Variants in ZNF277 observed in about 807,000 individuals in gnomAD.
ZNF277 encodes nuclear receptor-interacting factor 4.
A neutral mutation model predicts 60.7 loss-of-function variants in ZNF277; 55 were observed. The ratio of observed to expected loss-of-function variants is 0.91; its 90% CI spans 0.73 to 1.13. The LOEUF is 1.13. Among genes scored for constraint, ZNF277 ranks in the 50% most tolerant of loss-of-function variants. ZNF277 has a pLI of 0.00. For missense variants in ZNF277, 510 were observed against 523.0 expected, an observed-to-expected ratio of 0.98 and a Z score of 0.24; for synonymous variants, 178 against 179.3, an observed-to-expected ratio of 0.99 and a Z score of 0.06.
chr7:112,308,422 CA>C (rs1792648982), intron 4 of ZNF277, among the ~76,000 whole-genome samples: 1 of 152,002 alleles, frequency 6.6e-6, no homozygotes, highest in East Asian at 1.9e-4. Context: ...GAGGCTGAAG[CA>C]CAAGAACCAC....
At chr7:112,219,115 C>G (rs1821960868) in intron 1 of ZNF277, among the ~76,000 whole-genome samples, 2 of 152,320 alleles carry the variant, frequency 1.3e-5, no homozygotes, top group Non-Finnish European at 2.9e-5. Context: ...TCTCCACACT[C>G]TCTCCAATGC....
At chr7:112,298,616 T>A (rs1792405564) in intron 4 of ZNF277, among the ~76,000 whole-genome samples, 1 of 152,170 alleles carries the variant, frequency 6.6e-6, no homozygotes, top group Non-Finnish European at 1.5e-5. Flanking sequence ...TAAATGTAGC[T>A]GCGTATAAAT....
chr7:112,270,900 TAAAATA>T (rs1055463277), intron 1 of ZNF277, among the ~76,000 whole-genome samples: 1 of 151,660 alleles, frequency 6.6e-6, no homozygotes, highest in African/African-American at 2.4e-5. Flanking sequence ...TAGCAAAAAA[TAAAATA>T]AAAATAAAAA....
At chr7:112,213,287 A>T (rs921070812) in intron 1 of ZNF277, among the ~76,000 whole-genome samples, 4 of 152,188 alleles carry the variant, frequency 2.6e-5, no homozygotes, top group Admixed American at 6.5e-5. Context: ...CTCTAAGTCC[A>T]ATTAAAACCT....
In ZNF277 at chr7:112,248,186, T is replaced by A. The variant is rs538595813; in HGVS notation, c.92-38687T>A. Among the ~76,000 whole-genome samples, 7 of 151,972 alleles carry A rather than the reference T, an allele frequency of 4.6e-5. No individual in the cohort carries two copies. The East Asian group carries it at 9.7e-4, about 21-fold the overall frequency. On this transcript the variant is annotated intron_variant, in intron 1 of 11. Coordinates refer to ENST00000361822, the MANE Select transcript of ZNF277 (RefSeq NM_021994.3). ...TCTGGTTGTCAGGGACATAAGAAAA[T>A]TTAATGTATTTCCAAGATGACTGCA...
At chr7:112,264,928 C>T (rs1231120238) in intron 1 of ZNF277, among the ~76,000 whole-genome samples, 2 of 152,152 alleles carry the variant, frequency 1.3e-5, no homozygotes, top group African/African-American at 4.8e-5. Context: ...AGGGTCTTGC[C>T]TCAATGTTTG....
chr7:112,291,278 C>T lies in ZNF277; in HGVS notation c.293+4204C>T, dbSNP rs1792200722. Among the ~76,000 whole-genome samples, 3 of 152,214 alleles carry T rather than the reference C, an allele frequency of 2.0e-5. No homozygotes were observed. In the South Asian group the frequency reaches 6.2e-4, roughly 32 times the overall value. Reference sequence around the variant, plus strand: ...ACTTAATTAACAACCATATTTCAAACCTTTATGACTATGTCAATAACCATA... The same window carrying T: ...ACTTAATTAACAACCATATTTCAAATCTTTATGACTATGTCAATAACCATA... On this transcript the variant is annotated intron_variant, in intron 2 of 11. Transcript: ENST00000361822.
intron 1 of ZNF277, among the ~76,000 whole-genome samples, chr7:112,251,626 A>G (rs534159227): frequency 2.6e-4 from 40 of 152,314 alleles, no homozygotes; most frequent in Non-Finnish European, 4.4e-4. Context: ...GGGGACCTGC[A>G]ATATTCTTTA....
intron 1 of ZNF277, among the ~76,000 whole-genome samples, chr7:112,246,818 A>G (rs1051707721): frequency 1.3e-5 from 2 of 152,210 alleles, no homozygotes; most frequent in African/African-American, 4.8e-5. Context: ...TGATTTAATG[A>G]ATGACTATTA....
intron 1 of ZNF277, among the ~76,000 whole-genome samples, chr7:112,228,255 A>G (rs1587093685): frequency 1.3e-5 from 2 of 152,178 alleles, no homozygotes; most frequent in South Asian, 2.1e-4. Context: ...CAAGATCCTT[A>G]CTTTAGTTAC....
At chr7:112,321,585 AG>A (rs147250802) in intron 5 of ZNF277, among the ~76,000 whole-genome samples, 4,234 of 152,024 alleles carry the variant, frequency 0.028, 207 homozygotes, top group African/African-American at 0.098. Flanking sequence ...TGTAGATTTG[AG>A]TTATTGTCTA....
At position 112,330,067 on chromosome 7, in the gene ZNF277, T is replaced by C. The variant is rs1358475442; in HGVS notation, c.669-17T>C. 10 of 1,602,864 alleles carry C rather than the reference T, an allele frequency of 6.2e-6. No homozygotes were observed. Among genetic ancestry groups the C allele is most frequent in the Non-Finnish European group, 8.5e-6 (10 of 1,176,814 alleles). On this transcript the variant is annotated splice_polypyrimidine_tract_variant and intron_variant, in intron 6 of 11. Transcript: ENST00000361822. The stretch of plus-strand genomic sequence containing the variant: ...ATACAAGAGACTTGTTTATCAGTGT[T>C]TGTGTATTTCTTGTAGTTTGCAGTG...
intron 4 of ZNF277, among the ~76,000 whole-genome samples, chr7:112,310,228 A>C (rs908762958): frequency 6.6e-6 from 1 of 151,940 alleles, no homozygotes; most frequent in Non-Finnish European, 1.5e-5. Context: ...GCCAGTTCCC[A>C]TCCTGAGTCA....
At chr7:112,214,631 G>T (rs1821835152) in intron 1 of ZNF277, among the ~76,000 whole-genome samples, 2 of 152,122 alleles carry the variant, frequency 1.3e-5, no homozygotes, top group Non-Finnish European at 1.5e-5. Flanking sequence ...GATATCTTTG[G>T]CTATAGGAAC....
At chr7:112,237,852 C>A (rs959234844) in intron 1 of ZNF277, among the ~76,000 whole-genome samples, 1 of 152,126 alleles carries the variant, frequency 6.6e-6, no homozygotes, top group African/African-American at 2.4e-5. Flanking sequence ...GATGTCAAAA[C>A]CAGGCAAGGA....
Position 112,295,920 on chromosome 7 carries a change from T to C in ZNF277, c.345T>C (p.Phe115=). Residue 115 remains phenylalanine, a synonymous_variant, in exon 3 of 12, where the codon TTT becomes TTC. Coordinates refer to ENST00000361822, the MANE Select transcript of ZNF277 (RefSeq NM_021994.3). ...KRFTEQPITD[F]CSVIRINSTA... is the part of the protein sequence containing the mutation. ...TCACTGAACAGCCCATCACAGATTT[T>C]TGTAGTGTAATAAGAATTAATTCCA... 1 of 1,613,120 alleles carries C rather than the reference T, an allele frequency of 6.2e-7. No individual in the cohort carries two copies.
At chr7:112,226,934 T>C (rs1276353085) in intron 1 of ZNF277, among the ~76,000 whole-genome samples, 7 of 152,162 alleles carry the variant, frequency 4.6e-5, no homozygotes, top group African/African-American at 1.7e-4. Flanking sequence ...ATTAGCAATA[T>C]TCAGAGCCAA....
chr7:112,242,649 C>G (rs1790989081), intron 1 of ZNF277, among the ~76,000 whole-genome samples: 1 of 150,524 alleles, frequency 6.6e-6, no homozygotes, highest in Admixed American at 6.6e-5. Flanking sequence ...CTATGAAACA[C>G]TGATGAAAGA....
At chr7:112,278,775 T>C (rs962151173) in intron 1 of ZNF277, among the ~76,000 whole-genome samples, 3 of 152,146 alleles carry the variant, frequency 2.0e-5, no homozygotes, top group African/African-American at 7.2e-5. Flanking sequence ...ATGAAATCTA[T>C]CCTCTTCACA....
Sources: allele counts gnomAD v4.1 joint callset (sites outside exome capture counted in the v4.1 genomes callset), GRCh38; gene constraint gnomAD v4.1.1; transcripts MANE v1.5; gene names NCBI Gene and HGNC (gene_info 2026-07-23, HGNC 2026-07-21).